Variants in AFF2 observed in about 807,000 individuals in gnomAD.
AFF2 encodes the protein AF4/FMR2 family member 2.
A neutral mutation model predicts 76.9 loss-of-function variants in AFF2; 14 were observed. The ratio of observed to expected loss-of-function variants is 0.18; its 90% confidence interval spans 0.12 to 0.28. The LOEUF (loss-of-function observed/expected upper bound fraction) is 0.28, where lower values mean the gene tolerates loss of function less well. AFF2 is among the 10% of genes least tolerant of loss of function. The pLI is 1.00. For missense variants in AFF2, 868 were observed against 1,001.1 expected (o/e 0.87, Z 1.79); for synonymous variants, 398 against 366.7 (o/e 1.09, Z -0.98).
chrX:148,511,880 A>G lies in AFF2; in HGVS notation c.47+10736A>G, dbSNP rs968907676. Among the ~76,000 whole-genome samples, 11 of 112,703 alleles carry G rather than the reference A, an allele frequency of 9.8e-5. No homozygotes were observed. The East Asian group carries it at 2.8e-3, about 29-fold the overall frequency. On this transcript the variant is annotated intron_variant, in intron 1 of 20. Transcript: ENST00000370460. ...GGGTACCTTCAATGTACTAAAAGTA[A>G]TGTGGAAAAACACCCCTGAACATTA...
At chrX:148,696,548 T>C (rs1325682090) in intron 3 of AFF2, among the ~76,000 whole-genome samples, 6 of 112,101 alleles carry the variant, frequency 5.4e-5, no homozygotes, top group Non-Finnish European at 1.1e-4. Context: ...TGCACCATTC[T>C]AGCAGAGCCT....
chrX:148,528,394 C>T (rs782536878), intron 1 of AFF2, among the ~76,000 whole-genome samples: 1 of 101,485 alleles, frequency 9.9e-6, no homozygotes, highest in Non-Finnish European at 2.2e-5. Flanking sequence ...TCAGTCATCA[C>T]TTCCTACTCT....
intron 3 of AFF2, among the ~76,000 whole-genome samples, chrX:148,682,507 A>G (rs1477438222): frequency 1.4e-4 from 15 of 110,904 alleles, no homozygotes; most frequent in Non-Finnish European, 9.4e-5. Flanking sequence ...GGAACTAGAG[A>G]ACAGCGATGA....
At chrX:148,985,765 T>C (rs1303646227) in intron 19 of AFF2, among the ~76,000 whole-genome samples, 1 of 110,755 alleles carries the variant, frequency 9.0e-6, no homozygotes, top group Non-Finnish European at 1.9e-5. Context: ...TCAGAAATTA[T>C]AAACATAGCA....
chrX:148,594,002 G>A (rs2124376657), intron 1 of AFF2, among the ~76,000 whole-genome samples: 1 of 111,652 alleles, frequency 9.0e-6, no homozygotes, highest in Non-Finnish European at 1.9e-5. Context: ...AACTAAGTGA[G>A]TTAATATATG....
At chrX:148,984,085 G>T (rs899326007) in intron 19 of AFF2, among the ~76,000 whole-genome samples, 5 of 110,207 alleles carry the variant, frequency 4.5e-5, no homozygotes, top group Non-Finnish European at 9.5e-5. Flanking sequence ...GGCAGAAAGG[G>T]CTGCTGAGGA....
At chrX:148,810,428 T>G (rs1557271721) in intron 4 of AFF2, among the ~76,000 whole-genome samples, 1 of 112,527 alleles carries the variant, frequency 8.9e-6, no homozygotes, top group African/African-American at 3.2e-5. Context: ...GTGAATGCCT[T>G]GAGGGCAGAA....
At chrX:148,664,010 G>A (rs2054334074) in intron 3 of AFF2, among the ~76,000 whole-genome samples, 1 of 111,690 alleles carries the variant, frequency 9.0e-6, no homozygotes. Context: ...TTCCTCTTAA[G>A]TATCTCTCCA....
At chrX:148,791,005 G>A (rs1303332923) in intron 3 of AFF2, among the ~76,000 whole-genome samples, 1 of 111,853 alleles carries the variant, frequency 8.9e-6, no homozygotes, top group Non-Finnish European at 1.9e-5. Flanking sequence ...GACAGAACTC[G>A]TGAGAAATGC....
intron 15 of AFF2, among the ~76,000 whole-genome samples, chrX:148,970,325 C>G (rs981857361): frequency 4.5e-5 from 5 of 111,965 alleles, no homozygotes; most frequent in African/African-American, 1.6e-4. Context: ...TCTAGCTAAT[C>G]ATTTTATAGT....
chrX:148,769,343 G>C (rs1304347317), intron 3 of AFF2, among the ~76,000 whole-genome samples: 1 of 111,733 alleles, frequency 8.9e-6, no homozygotes, highest in African/African-American at 3.3e-5. Flanking sequence ...AGCAGGCATG[G>C]AGTGTGAGTG....
At chrX:148,685,620 A>G (rs2054592819) in intron 3 of AFF2, among the ~76,000 whole-genome samples, 1 of 111,838 alleles carries the variant, frequency 8.9e-6, no homozygotes. Context: ...TATACATAAT[A>G]AACAACAATG....
At chrX:148,803,320 A>G (rs2070084988) in intron 3 of AFF2, among the ~76,000 whole-genome samples, 1 of 111,460 alleles carries the variant, frequency 9.0e-6, no homozygotes, top group African/African-American at 3.3e-5. Flanking sequence ...TGATGGAATC[A>G]TAGCAAGAAG....
chrX:148,516,097 C>T (rs2052531564), intron 1 of AFF2, among the ~76,000 whole-genome samples: 2 of 111,271 alleles, frequency 1.8e-5, no homozygotes, highest in African/African-American at 6.5e-5. Context: ...CTTCAGTTCA[C>T]GTCAGCCCTC....
intron 3 of AFF2, among the ~76,000 whole-genome samples, chrX:148,792,973 C>A (rs1489653122): frequency 8.9e-6 from 1 of 111,975 alleles, no homozygotes; most frequent in Non-Finnish European, 1.9e-5. Context: ...ATGTATATCT[C>A]CCCAGAAATT....
chrX:148,521,376 A>ACACG (rs1170376710), intron 1 of AFF2, among the ~76,000 whole-genome samples: 1 of 99,189 alleles, frequency 1.0e-5, no homozygotes, highest in East Asian at 3.1e-4. Context: ...ACGTGCATGC[A>ACACG]CACACACACA....
At chrX:148,821,793 G>A (rs1315920678) in intron 4 of AFF2, among the ~76,000 whole-genome samples, 1 of 111,605 alleles carries the variant, frequency 9.0e-6, no homozygotes, top group Non-Finnish European at 1.9e-5. Context: ...AGGTCCATTA[G>A]GTCATAGTCT....
intron 1 of AFF2, among the ~76,000 whole-genome samples, chrX:148,562,148 C>T (rs1176557189): frequency 1.8e-5 from 2 of 112,498 alleles, no homozygotes; most frequent in African/African-American, 6.5e-5. Flanking sequence ...CAGCAAATGA[C>T]AGCTTTGTTC....
At chrX:148,710,262 A>C (rs1185426029) in intron 3 of AFF2, among the ~76,000 whole-genome samples, 1 of 111,945 alleles carries the variant, frequency 8.9e-6, no homozygotes, top group Non-Finnish European at 1.9e-5. Context: ...TAAGGCTCTT[A>C]AAATATATGC....
Sources: gnomAD v4.1 joint callset for allele counts (sites outside exome capture counted in the v4.1 genomes callset) on GRCh38, gnomAD v4.1.1 for gene constraint, MANE v1.5 for transcripts, NCBI Gene and HGNC (gene_info 2026-07-23, HGNC 2026-07-21) for gene names.